The following INTS14 variants were observed in gnomAD, a reference collection of about 807,000 sequenced individuals.
INTS14 encodes the protein UPF0464 protein C15orf44.
Under a neutral mutation model 56.9 loss-of-function variants are expected in INTS14, and 27 were observed. The ratio of observed to expected loss-of-function variants is 0.47; its 90% CI spans 0.35 to 0.65. INTS14 has a LOEUF of 0.65. INTS14 is among the 30% of genes least tolerant of loss of function. INTS14 has a pLI of 0.00. For missense variants in INTS14, 517 were observed against 632.2 expected (o/e 0.82, Z 1.95); for synonymous variants, 207 against 236.2 (o/e 0.88, Z 1.13).
In INTS14 at chr15:65,598,372, G is replaced by C. The variant is rs752461680; in HGVS notation, c.697C>G (p.Pro233Ala). The change falls in exon 6 of 12, where the codon CCT becomes GCT. Residue 233 changes from proline (P) to alanine (A), a missense_variant. Pro to Ala is a conservative substitution (Grantham distance 27). Coordinates refer to ENST00000313182, the MANE Select transcript of INTS14 (RefSeq NM_001394796.1). ...ADVQVFPRPE[P>A]FVVDEEIDPI... ...TCAATTTCTTCATCTACAACAAAAG[G>C]TTCTGGCCTGGGGAAGACTTGTACA... 2.5e-5 allele frequency: 41 copies of C among 1,614,070 alleles called. No homozygotes were observed. Among genetic ancestry groups the C allele is most frequent in the Non-Finnish European group, 3.5e-5 (41 of 1,179,986 alleles).
At chr15:65,587,825 C>CA (rs1311537663) in intron 9 of INTS14, among the ~76,000 whole-genome samples, 1 of 151,616 alleles carries the variant, frequency 6.6e-6, no homozygotes, top group Non-Finnish European at 1.5e-5. Flanking sequence ...ATAAAAAAAT[C>CA]AAAAAAATTA....
chr15:65,593,845 G>C (rs1040217935), intron 7 of INTS14, among the ~76,000 whole-genome samples: 1 of 152,094 alleles, frequency 6.6e-6, no homozygotes, highest in Non-Finnish European at 1.5e-5. Flanking sequence ...TAGGGGAAAT[G>C]GGGGGAGGGG....
chr15:65,590,846 G>C (rs931289736), intron 9 of INTS14, among the ~76,000 whole-genome samples: 1 of 152,202 alleles, frequency 6.6e-6, no homozygotes, highest in Non-Finnish European at 1.5e-5. Context: ...GTTGGAACCT[G>C]AGTAGCTAGT....
intron 11 of INTS14, among the ~76,000 whole-genome samples, chr15:65,580,504 GT>G (rs60431020): frequency 0.34 from 51,869 of 152,054 alleles, 11,639 homozygotes; most frequent in African/African-American, 0.65. Flanking sequence ...ATGGGCTTCA[GT>G]TTAGGGAGGG....
In INTS14 at chr15:65,599,929, C is replaced by A. The variant is rs762877256; in HGVS notation, c.331G>T (p.Val111Phe). Residue 111 changes from valine (V) to phenylalanine (F), a missense_variant and splice_region_variant, in exon 4 of 12, where the codon GTT becomes TTT. By Grantham distance (50) the Val-to-Phe change is conservative (BLOSUM62 -1). Transcript: ENST00000313182. ...AGACAGCCGTCTGTCACCAGGACAA[C>A]CTGTTTGTAAAAAGAGAGAGAGGAG... Reference protein sequence around the residue: ...QEWGGAIPCQVVLVTDGCLGI... With the variant: ...QEWGGAIPCQFVLVTDGCLGI... 1 of 1,609,744 alleles carries A rather than the reference C, an allele frequency of 6.2e-7. No individual in the cohort carries two copies. The highest frequency in any genetic ancestry group is 8.5e-7 in the Non-Finnish European group (1 of 1,178,196).
chr15:65,586,096 T>C (rs2072811088), intron 9 of INTS14, among the ~76,000 whole-genome samples: 1 of 152,182 alleles, frequency 6.6e-6, no homozygotes, highest in Admixed American at 6.5e-5. Flanking sequence ...ATTCACTTAT[T>C]CATTCATTAT....
chr15:65,600,101 T>G (rs974866381), intron 3 of INTS14, among the ~76,000 whole-genome samples, 172 bp from the exon 4 acceptor site: 1 of 150,810 alleles, frequency 6.6e-6, no homozygotes, highest in Non-Finnish European at 1.5e-5. Context: ...GCCTAGGAGT[T>G]TGAGACCAGC....
intron 3 of INTS14, among the ~76,000 whole-genome samples, chr15:65,602,359 C>T (rs1251390935): frequency 6.6e-6 from 1 of 150,588 alleles, no homozygotes; most frequent in East Asian, 2.0e-4. Flanking sequence ...GTTCTCGGCT[C>T]ACTACAAAAT....
rs975861504 is a variant in INTS14, at chr15:65,578,869, T to C, written c.*539A>G. On this transcript the variant is annotated 3_prime_UTR_variant, in exon 12 of 12. Coordinates refer to ENST00000313182, the MANE Select transcript of INTS14 (RefSeq NM_001394796.1). ...ACATTAATGGTTGCTCTTTAAAAGTTAGAATCTCAAGAGATACCAAAAGCA... is the reference window on the plus strand; with the variant it reads ...ACATTAATGGTTGCTCTTTAAAAGTCAGAATCTCAAGAGATACCAAAAGCA... 4 of 152,262 alleles carry C rather than the reference T, an allele frequency of 2.6e-5. No individual in the cohort carries two copies. The highest frequency in any genetic ancestry group is 9.6e-5 in the African/African-American group (4 of 41,452). 9.4% of individuals were successfully genotyped at this position (152,262 alleles called of 1,614,324 possible).
intron 7 of INTS14, among the ~76,000 whole-genome samples, chr15:65,594,205 C>T (rs1447896741): frequency 2.0e-5 from 3 of 152,184 alleles, no homozygotes; most frequent in Non-Finnish European, 1.5e-5. Context: ...TGACTGGATT[C>T]TCCAGTTTCT....
chr15:65,584,296 T>C (rs1240677785), intron 10 of INTS14, among the ~76,000 whole-genome samples: 2 of 152,258 alleles, frequency 1.3e-5, no homozygotes, highest in Non-Finnish European at 2.9e-5. Flanking sequence ...AATATAGTTA[T>C]GAAGACTTTT....
At chr15:65,589,913 T>C (rs11637431) in intron 9 of INTS14, among the ~76,000 whole-genome samples, 85,789 of 151,934 alleles carry the variant, frequency 0.56, 26,727 homozygotes, top group African/African-American at 0.83. Context: ...TGTCTCTAGG[T>C]ACCTCCACCT....
At chr15:65,586,328 CT>C (rs2072823034) in intron 9 of INTS14, 1 of 152,212 alleles carries the variant, frequency 6.6e-6, no homozygotes, top group Non-Finnish European at 1.5e-5. Flanking sequence ...AGAGGTTGGA[CT>C]TATACAAGGT....
rs767600976 is a variant in INTS14 at position 65,598,957 on chromosome 15, G to A, written c.520C>T (p.Arg174Cys). The A allele has an allele frequency of 3.1e-6, 5 of 1,613,804 alleles. No individual in the cohort carries two copies. The highest frequency in any genetic ancestry group is 1.6e-4 in the Middle Eastern group (1 of 6,062). Residue 174 changes from arginine (R) to cysteine (C), a missense_variant, in exon 5 of 12, where the codon CGT becomes TGT. By Grantham distance (180) the Arg-to-Cys change is radical (BLOSUM62 -3). Coordinates refer to ENST00000313182, the MANE Select transcript of INTS14 (RefSeq NM_001394796.1). ...QSTDSLECLERLIDLNNGEGQ... is the reference protein window; with the variant it reads ...QSTDSLECLECLIDLNNGEGQ... ...TCACCATTGTTTAAATCTATGAGAC[G>A]TTCAAGGCATTCCAAGGAATCGGTG...
chr15:65,610,592 T>A (rs567641772), intron 1 of INTS14: 1,001 of 1,390,742 alleles, frequency 7.2e-4, no homozygotes, highest in Middle Eastern at 1.4e-3. Flanking sequence ...TTGTAATTCT[T>A]CCCTGAAGGT....
intron 6 of INTS14, among the ~76,000 whole-genome samples, chr15:65,596,683 G>A (rs1466747261): frequency 6.6e-6 from 1 of 152,076 alleles, no homozygotes; most frequent in African/African-American, 2.4e-5. Flanking sequence ...TGATTCTCCT[G>A]CCTCAGCCTC....
At chr15:65,608,840 T>C (rs2073749253) in intron 1 of INTS14, among the ~76,000 whole-genome samples, 1 of 152,222 alleles carries the variant, frequency 6.6e-6, no homozygotes, top group Non-Finnish European at 1.5e-5. Context: ...GTAGCCAGAT[T>C]ACTTGTTTAA....
intron 3 of INTS14, among the ~76,000 whole-genome samples, chr15:65,600,741 A>G (rs2073403148): frequency 6.6e-6 from 1 of 152,186 alleles, no homozygotes; most frequent in Non-Finnish European, 1.5e-5. Context: ...AGAATACTAT[A>G]TCTTAATTGT....
At chr15:65,610,702 C>T in intron 1 of INTS14, 1 of 1,535,730 alleles carries the variant, frequency 6.5e-7, no homozygotes, top group Non-Finnish European at 8.7e-7. Context: ...TTTGGCTTTC[C>T]CGTCAGCCTC....
Sources: allele counts gnomAD v4.1 joint callset (sites outside exome capture counted in the v4.1 genomes callset), GRCh38; gene constraint gnomAD v4.1.1; transcripts MANE v1.5; gene names NCBI Gene and HGNC (gene_info 2026-07-23, HGNC 2026-07-21).